GTF3C1: variants seen among roughly 807,000 people sequenced by gnomAD.
The protein encoded by GTF3C1 is general transcription factor 3C polypeptide 1.
In GTF3C1, 57 loss-of-function variants were observed where a neutral mutation model predicts 226.7. That is an observed-to-expected ratio of 0.25 (90% CI 0.20 to 0.31). GTF3C1 has a LOEUF of 0.31. Among genes scored for constraint, GTF3C1 ranks in the 10% least tolerant of loss-of-function variants. The pLI, the probability that GTF3C1 is intolerant of heterozygous loss-of-function variation, is 1.00. For missense variants in GTF3C1, 2,217 were observed against 2,776.1 expected, an observed-to-expected ratio of 0.80 and a Z score of 4.53; for synonymous variants, 1,090 against 1,084.8, an observed-to-expected ratio of 1.00 and a Z score of -0.09.
rs1045794937 is a variant in GTF3C1 at position 27,488,737 on chromosome 16, G to A, written c.3430-102C>T. Reference sequence around the variant, plus strand: ...GAGGTCTCTTAGGAAGGTAAGGGCCGCTGTGCACTGACAGCCAGGGGCTGG... The same window carrying A: ...GAGGTCTCTTAGGAAGGTAAGGGCCACTGTGCACTGACAGCCAGGGGCTGG... On this transcript the variant is annotated intron_variant, in intron 21 of 36. Transcript: ENST00000356183. The A allele has an allele frequency of 1.7e-5, 16 of 953,040 alleles. No individual in the cohort carries two copies. In the Admixed American group the frequency reaches 2.0e-4, roughly 12 times the overall value. 59.0% of individuals were successfully genotyped at this position (953,040 alleles called of 1,614,324 possible).
chr16:27,514,488 G>A (rs1567405812), intron 6 of GTF3C1, among the ~76,000 whole-genome samples: 2 of 152,100 alleles, frequency 1.3e-5, no homozygotes, highest in South Asian at 2.1e-4. Context: ...CTAGCAGCTG[G>A]TGGTCAACAC....
At chr16:27,524,196 G>A (rs977624652) in intron 6 of GTF3C1, among the ~76,000 whole-genome samples, 1 of 152,210 alleles carries the variant, frequency 6.6e-6, no homozygotes, top group Non-Finnish European at 1.5e-5. Context: ...CCTCCGAAAT[G>A]GGGCAGCTCC....
chr16:27,519,191 G>A (rs1309619207), intron 6 of GTF3C1, among the ~76,000 whole-genome samples: 2 of 152,160 alleles, frequency 1.3e-5, no homozygotes, highest in African/African-American at 4.8e-5. Flanking sequence ...CAGGCAAAAG[G>A]AAGGGTATGA....
At position 27,469,028 on chromosome 16, in the gene GTF3C1, G is replaced by T. The variant is rs1232586769; in HGVS notation, c.5074+263C>A. 6.6e-6 allele frequency among the ~76,000 whole-genome samples: 1 copy of T among 152,252 alleles called. No homozygotes were observed. The highest frequency in any genetic ancestry group is 1.5e-5 in the Non-Finnish European group (1 of 68,036). ...TCTGCTCTTCCTTGTGAGCCCACCT[G>T]AGTGACTGCTGGTGCCTGCAGCACA... On this transcript the variant is annotated intron_variant, in intron 32 of 36. Coordinates refer to ENST00000356183, the MANE Select transcript of GTF3C1 (RefSeq NM_001520.4). The surrounding 1 kb of genome is among the most constrained non-coding windows in gnomAD (Gnocchi z 4.5).
At position 27,464,646 on chromosome 16, in the gene GTF3C1, C is replaced by T. The variant is rs2087756613; in HGVS notation, c.5546G>A (p.Gly1849Glu). 6.6e-7 allele frequency: 1 copy of T among 1,517,850 alleles called. No homozygotes were observed. The highest frequency in any genetic ancestry group is 2.3e-5 in the Admixed American group (1 of 43,892). The allele number at this position is 1,517,850 out of a possible 1,614,324, so 94.0% of individuals were successfully genotyped here. A position where few individuals can be genotyped will look rare whatever the true frequency, so the allele number is the denominator to read the frequency against. The change falls in exon 34 of 37, where the codon GGG (glycine) becomes GAG (glutamate). Residue 1849 changes from glycine to glutamate, a missense_variant. Gly to Glu is a moderately conservative substitution (Grantham distance 98, BLOSUM62 -2). This residue lies in a region of GTF3C1 where 455 missense variants were observed against 441.9 expected (regional missense o/e 1.03). Coordinates refer to ENST00000356183, the MANE Select transcript of GTF3C1 (RefSeq NM_001520.4). Reference protein sequence around the residue: ...GSSSEDSPPEGQAPPSHSPRG... With the variant: ...GSSSEDSPPEEQAPPSHSPRG... Reference sequence around the variant, plus strand: ...GGGGCTGTGAGAAGGAGGTGCCTGCCCCTCGGGGGGGCTGTCCTCACTGGA... The same window carrying T: ...GGGGCTGTGAGAAGGAGGTGCCTGCTCCTCGGGGGGGCTGTCCTCACTGGA...
intron 24 of GTF3C1, among the ~76,000 whole-genome samples, chr16:27,484,916 T>G (rs2088112986): frequency 6.6e-6 from 1 of 152,230 alleles, no homozygotes; most frequent in Non-Finnish European, 1.5e-5. Context: ...TAAGTTCTGG[T>G]AAGCGGCGAG....
In GTF3C1 at chr16:27,461,930, G is replaced by C. The variant is rs2087711341; in HGVS notation, c.6117+364C>G. Reference sequence around the variant, plus strand: ...GACACTCAACTTCAAGCTCCTAGCTGCCAGAGGAGCTGGAGGCCCCAGGCA... The same window carrying C: ...GACACTCAACTTCAAGCTCCTAGCTCCCAGAGGAGCTGGAGGCCCCAGGCA... On this transcript the variant is annotated intron_variant, in intron 36 of 36. Transcript: ENST00000356183. This position sits in a 1 kb window ranked among gnomAD's most constrained non-coding sequence, Gnocchi z 5.3. 2 of 377,790 alleles carry C rather than the reference G, an allele frequency of 5.3e-6. No homozygotes were observed. The highest frequency in any genetic ancestry group is 4.0e-5 in the African/African-American group (2 of 50,034). The allele number at this position is 377,790 out of a possible 1,614,324, so 23.4% of individuals were successfully genotyped here. A position where few individuals can be genotyped will look rare whatever the true frequency, so the allele number is the denominator to read the frequency against.
intron 14 of GTF3C1, 100 bp downstream of exon 14, chr16:27,497,537 G>A (rs1016656213): frequency 1.2e-5 from 11 of 901,344 alleles, no homozygotes; most frequent in African/African-American, 8.3e-5. Flanking sequence ...TCTTCTGACT[G>A]CGGCTCGGAG....
chr16:27,481,109 A>G lies in GTF3C1; in HGVS notation c.4166T>C (p.Ile1389Thr). The change falls in exon 27 of 37, where the codon ATC becomes ACC. Residue 1389 changes from isoleucine (I) to threonine (T), a missense_variant. Ile to Thr is a moderately conservative substitution (Grantham distance 89). This residue lies in a region of GTF3C1 where 546 missense variants were observed against 663.0 expected (regional missense o/e 0.82). Coordinates refer to ENST00000356183, the MANE Select transcript of GTF3C1 (RefSeq NM_001520.4). ...GAACAGCTCCTGGAGTGTGTCTGGGATTTCAAGGTTAGAATTCCTTAGGGC... is the reference window on the plus strand; with the variant it reads ...GAACAGCTCCTGGAGTGTGTCTGGGGTTTCAAGGTTAGAATTCCTTAGGGC... ...SSALRNSNLE[I>T]PDTLQELFAR... 2 of 1,614,166 alleles carry G rather than the reference A, an allele frequency of 1.2e-6. No homozygotes were observed. Among genetic ancestry groups the G allele is most frequent in the Non-Finnish European group, 1.7e-6 (2 of 1,180,014 alleles).
intron 1 of GTF3C1, among the ~76,000 whole-genome samples, chr16:27,546,527 T>C (rs989791085): frequency 2.6e-5 from 4 of 150,970 alleles, no homozygotes; most frequent in African/African-American, 9.7e-5. Context: ...TATATAATTT[T>C]TTTTCCCCTC....
chr16:27,547,446 C>T (rs763861784), intron 1 of GTF3C1, among the ~76,000 whole-genome samples: 6 of 152,032 alleles, frequency 3.9e-5, no homozygotes, highest in Non-Finnish European at 7.4e-5. Context: ...GACTCAACCC[C>T]CACGCTGTTC....
chr16:27,488,201 G>A (rs2088172367), intron 23 of GTF3C1, 26 bp downstream of exon 23: 3 of 1,595,178 alleles, frequency 1.9e-6, no homozygotes, highest in Non-Finnish European at 2.6e-6. Flanking sequence ...ACAAGGCCCA[G>A]TAAATGAAAA....
In GTF3C1 at chr16:27,465,364, C is replaced by G. The variant is rs1206070687; in HGVS notation, c.5251G>C (p.Ala1751Pro). The G allele has an allele frequency of 6.2e-7, 1 of 1,614,188 alleles. No homozygotes were observed. The highest frequency in any genetic ancestry group is 1.1e-5 in the South Asian group (1 of 91,076). ...AALEILEAII[A>P]TGCFGIDKEE... is the part of the protein sequence containing the mutation. Reference sequence around the variant, plus strand: ...TTGTCAATCCCAAAACAACCCGTGGCTATAATGGCTTCCAAGATCTCCAAG... The same window carrying G: ...TTGTCAATCCCAAAACAACCCGTGGGTATAATGGCTTCCAAGATCTCCAAG... The change falls in exon 33 of 37, where the codon GCC (alanine) becomes CCC (proline). Residue 1751 changes from alanine (A) to proline (P), a missense_variant. By Grantham distance (27) the Ala-to-Pro change is conservative. Around this residue, in one of 12 missense-constraint regions of GTF3C1, gnomAD observed 455 missense variants for 441.9 expected, o/e 1.03. Coordinates refer to ENST00000356183, the MANE Select transcript of GTF3C1 (RefSeq NM_001520.4).
chr16:27,515,705 C>G (rs1265160146), intron 6 of GTF3C1, among the ~76,000 whole-genome samples: 2 of 152,198 alleles, frequency 1.3e-5, no homozygotes, highest in Non-Finnish European at 2.9e-5. Context: ...GGGGAAATTA[C>G]CAAGTATGAC....
At chr16:27,531,344 C>T (rs2088914901) in intron 5 of GTF3C1, among the ~76,000 whole-genome samples, 1 of 152,224 alleles carries the variant, frequency 6.6e-6, no homozygotes, top group Admixed American at 6.6e-5. Flanking sequence ...CATGCCTTTG[C>T]ACCAGCTCTT....
intron 1 of GTF3C1, among the ~76,000 whole-genome samples, chr16:27,547,698 C>T (rs1450453059): frequency 1.3e-5 from 2 of 152,050 alleles, no homozygotes; most frequent in African/African-American, 2.4e-5. Context: ...GATTCTCCCT[C>T]TGTCACCCAG....
Position 27,520,481 on chromosome 16 carries a change from T to C in GTF3C1, c.973+8117A>G, listed in dbSNP as rs78287287. ...CCCCACTCCAAGACTGACCACAAAATGGGATAACAATATGGCATCTCACCC... is the reference window on the plus strand; with the variant it reads ...CCCCACTCCAAGACTGACCACAAAACGGGATAACAATATGGCATCTCACCC... On this transcript the variant is annotated intron_variant, in intron 6 of 36. Coordinates refer to ENST00000356183, the MANE Select transcript of GTF3C1 (RefSeq NM_001520.4). 1.1e-4 allele frequency among the ~76,000 whole-genome samples: 16 copies of C among 152,068 alleles called. No individual in the cohort carries two copies. In the East Asian group the frequency reaches 3.1e-3, roughly 30 times the overall value.
Position 27,486,078 on chromosome 16 carries a change from C to T in GTF3C1, c.3777G>A (p.Thr1259=), listed in dbSNP as rs371378944. 1.3e-4 allele frequency: 216 copies of T among 1,606,762 alleles called. 2 individuals carry two copies. The highest frequency in any genetic ancestry group is 4.5e-5 in the East Asian group (2 of 44,838). The change falls in exon 24 of 37, where the codon ACG becomes ACA. Residue 1259 remains threonine, a synonymous_variant. Coordinates refer to ENST00000356183, the MANE Select transcript of GTF3C1 (RefSeq NM_001520.4). ...GCATAGACCAGGTGACACGAAGCCG[C>T]GTCATCCGCTGCAGGGCACTCTGGT... is the stretch of plus-strand genomic sequence containing the variant. ...EADQSALQRM[T]RLRVTWSMQE...
In GTF3C1 at chr16:27,461,694, G is replaced by A; in HGVS notation, c.6118-132C>T. 1.2e-5 allele frequency: 8 copies of A among 674,856 alleles called. No individual in the cohort carries two copies. In the South Asian group the frequency reaches 1.4e-4, roughly 12 times the overall value. 41.8% of individuals were successfully genotyped at this position (674,856 alleles called of 1,614,324 possible). A position where few individuals can be genotyped will look rare whatever the true frequency, so the allele number is the denominator to read the frequency against. ...CCAGAGCAGGGGGCACCTGAACTGGGCATGAGGCAGATGGGGATGTACCAG... is the reference window on the plus strand; with the variant it reads ...CCAGAGCAGGGGGCACCTGAACTGGACATGAGGCAGATGGGGATGTACCAG... On this transcript the variant is annotated intron_variant, in intron 36 of 36. Transcript: ENST00000356183. This position sits in a 1 kb window ranked among gnomAD's most constrained non-coding sequence, Gnocchi z 5.3.
Sources: gnomAD v4.1 joint callset for allele counts (sites outside exome capture counted in the v4.1 genomes callset) on GRCh38, gnomAD v4.1.1 for gene constraint, gnomAD v4.1.1 regional missense constraint, Gnocchi (gnomAD v3.1) non-coding constraint, MANE v1.5 for transcripts, NCBI Gene and HGNC (gene_info 2026-07-23, HGNC 2026-07-21) for gene names.